The following RBFOX1 variants were observed in gnomAD, a reference collection of about 807,000 sequenced individuals.
RBFOX1 encodes the protein RNA binding fox-1 homolog 1.
A neutral mutation model predicts 57.7 loss-of-function variants in RBFOX1; 8 were observed. The observed-to-expected ratio is 0.14, with a 90% CI of 0.08 to 0.25. The LOEUF (loss-of-function observed/expected upper bound fraction) is 0.25. Ranked by LOEUF, RBFOX1 falls within the 10% of genes least tolerant of loss-of-function variation. RBFOX1 has a pLI of 1.00. For missense variants in RBFOX1, 611 were observed against 548.5 expected, an observed-to-expected ratio of 1.11 and a Z score of -1.14; for synonymous variants, 326 against 222.4, an observed-to-expected ratio of 1.47 and a Z score of -4.15.
At chr16:6,872,772 T>C (rs970186407) in intron 3 of RBFOX1, among the ~76,000 whole-genome samples, 1 of 152,128 alleles carries the variant, frequency 6.6e-6, no homozygotes, top group Non-Finnish European at 1.5e-5. Flanking sequence ...AAAAATAAAA[T>C]AACTGAGATA....
chr16:6,128,864 A>T (rs916810461), intron 1 of RBFOX1, among the ~76,000 whole-genome samples: 7 of 152,186 alleles, frequency 4.6e-5, no homozygotes, highest in Non-Finnish European at 2.9e-5. Flanking sequence ...TTGTGCAATC[A>T]AGTGGAAACC....
At chr16:6,818,144 C>T (rs1184337841) in intron 3 of RBFOX1, among the ~76,000 whole-genome samples, 1 of 152,132 alleles carries the variant, frequency 6.6e-6, no homozygotes, top group Non-Finnish European at 1.5e-5. Flanking sequence ...TTCTAGGTTC[C>T]TCTGGTAGAG....
intron 3 of RBFOX1, among the ~76,000 whole-genome samples, chr16:6,839,554 C>T (rs35409423): frequency 6.6e-6 from 1 of 151,904 alleles, no homozygotes; most frequent in Admixed American, 6.5e-5. Context: ...TATCTGAGAA[C>T]ACTGAAATGC....
intron 12 of RBFOX1, among the ~76,000 whole-genome samples, chr16:7,662,259 A>C (rs183025239): frequency 2.2e-4 from 33 of 152,318 alleles, no homozygotes; most frequent in Non-Finnish European, 3.8e-4. Context: ...CTCATGAAAA[A>C]TACATTGTTT....
intron 2 of RBFOX1, among the ~76,000 whole-genome samples, chr16:6,422,051 G>C (rs945479034): frequency 8.4e-6 from 1 of 118,940 alleles, no homozygotes; most frequent in Non-Finnish European, 2.0e-5. Flanking sequence ...CTCCCGAGTA[G>C]GTGGGATTAC....
chr16:5,593,838 T>C (rs973908274), intron 2 of RBFOX1, among the ~76,000 whole-genome samples: 23 of 152,204 alleles, frequency 1.5e-4, no homozygotes, highest in African/African-American at 5.3e-4. Context: ...CTGAATTCTT[T>C]CTTGCGCGAG....
At chr16:5,349,243 A>G (rs954217681) in intron 1 of RBFOX1, among the ~76,000 whole-genome samples, 3 of 152,230 alleles carry the variant, frequency 2.0e-5, no homozygotes, top group Non-Finnish European at 4.4e-5. Flanking sequence ...AAATAGCCAG[A>G]CTCATAGAAA....
chr16:7,490,894 A>G (rs760846073), intron 4 of RBFOX1, among the ~76,000 whole-genome samples: 1 of 152,196 alleles, frequency 6.6e-6, no homozygotes, highest in African/African-American at 2.4e-5. Context: ...GGGTGTCTTT[A>G]TCAGCCTAAG....
At chr16:5,923,264 AAG>A (rs1301579272) in intron 4 of RBFOX1, among the ~76,000 whole-genome samples, 3 of 152,180 alleles carry the variant, frequency 2.0e-5, no homozygotes, top group Admixed American at 2.0e-4. Context: ...AATTAACAAA[AAG>A]AGAGGAGAAG....
intron 1 of RBFOX1, among the ~76,000 whole-genome samples, chr16:6,029,461 C>T (rs1016235559): frequency 1.3e-5 from 2 of 152,298 alleles, no homozygotes; most frequent in South Asian, 2.1e-4. Context: ...AGAATTTTTA[C>T]AGTTGAATCT....
chr16:5,416,203 A>C (rs1444247082), intron 1 of RBFOX1, among the ~76,000 whole-genome samples: 1 of 152,172 alleles, frequency 6.6e-6, no homozygotes, highest in Non-Finnish European at 1.5e-5. Context: ...CTATGGTCCC[A>C]TTTTACAGAT....
intron 2 of RBFOX1, among the ~76,000 whole-genome samples, chr16:6,513,510 G>T (rs1187422836): frequency 6.6e-6 from 1 of 152,110 alleles, no homozygotes; most frequent in African/African-American, 2.4e-5. Context: ...GAGGCAGGCG[G>T]ATCACCTGAG....
At chr16:6,483,861 C>A in intron 2 of RBFOX1, 1 of 1,191,272 alleles carries the variant, frequency 8.4e-7, no homozygotes, top group Non-Finnish European at 1.0e-6. Context: ...TCCGGGAAAC[C>A]CAAACCGGAG....
chr16:7,199,072 C>A (rs1444592248), intron 4 of RBFOX1, among the ~76,000 whole-genome samples: 3 of 152,174 alleles, frequency 2.0e-5, no homozygotes, highest in African/African-American at 7.2e-5. Flanking sequence ...ATCATCACCA[C>A]AGGTCCGTCC....
At chr16:6,005,361 T>C (rs1466045858) in intron 4 of RBFOX1, among the ~76,000 whole-genome samples, 1 of 152,206 alleles carries the variant, frequency 6.6e-6, no homozygotes, top group South Asian at 2.1e-4. Flanking sequence ...TCTGCCAATG[T>C]TTGTTGAGCA....
At chr16:7,253,213 G>C (rs913920228) in intron 4 of RBFOX1, among the ~76,000 whole-genome samples, 10 of 152,188 alleles carry the variant, frequency 6.6e-5, no homozygotes, top group African/African-American at 2.4e-5. Flanking sequence ...AAAAGAACCT[G>C]TGGTTCATAG....
chr16:6,793,957 G>C (rs890916392), intron 3 of RBFOX1, among the ~76,000 whole-genome samples: 1 of 152,128 alleles, frequency 6.6e-6, no homozygotes, highest in Non-Finnish European at 1.5e-5. Context: ...AAACAAGAGG[G>C]TGGTAATACA....
intron 10 of RBFOX1, among the ~76,000 whole-genome samples, chr16:7,616,389 G>C (rs7192025): frequency 1.3e-5 from 2 of 151,980 alleles, no homozygotes; most frequent in Admixed American, 6.6e-5. Context: ...AGTGTCCAGC[G>C]TTTTTGTTAG....
chr16:7,014,484 T>G (rs1181580601), intron 3 of RBFOX1, among the ~76,000 whole-genome samples: 1 of 151,748 alleles, frequency 6.6e-6, no homozygotes, highest in African/African-American at 2.4e-5. Context: ...TGACCTCAGG[T>G]GATCCACTCT....
Sources: allele counts gnomAD v4.1 joint callset (sites outside exome capture counted in the v4.1 genomes callset), GRCh38; gene constraint gnomAD v4.1.1; transcripts MANE v1.5; gene names NCBI Gene and HGNC (gene_info 2026-07-23, HGNC 2026-07-21).